The following ZNF474 variants were observed in gnomAD, a reference collection of about 807,000 sequenced individuals.
The protein encoded by ZNF474 is zinc finger protein 474.
For synonymous variants in ZNF474, 192 were observed against 162.2 expected, an observed-to-expected ratio of 1.18 and a Z score of -1.39; for missense variants, 511 against 433.8, an observed-to-expected ratio of 1.18 and a Z score of -1.58.
At chr5:122,149,094 G>A (rs1381119167) in intron 1 of ZNF474, among the ~76,000 whole-genome samples, 1 of 152,086 alleles carries the variant, frequency 6.6e-6, no homozygotes, top group Non-Finnish European at 1.5e-5. Flanking sequence ...CTTATAAGTG[G>A]GAGCTAAACG....
chr5:122,144,976 G>A (rs1755949736), intron 1 of ZNF474, among the ~76,000 whole-genome samples: 1 of 152,184 alleles, frequency 6.6e-6, no homozygotes, highest in South Asian at 2.1e-4. Context: ...TTTTCATAGG[G>A]TGATATTATA....
rs1756240327 is a variant in ZNF474, at chr5:122,153,024, A to G, written c.1034A>G (p.Asp345Gly). 1.9e-6 allele frequency: 3 copies of G among 1,614,068 alleles called. No homozygotes were observed. Among genetic ancestry groups the G allele is most frequent in the Non-Finnish European group, 2.5e-6 (3 of 1,180,038 alleles). Residue 345 changes from aspartate (D) to glycine (G), a missense_variant, in exon 2 of 2, where the codon GAT becomes GGT. By Grantham distance (94) the Asp-to-Gly change is moderately conservative (BLOSUM62 -1). Transcript: ENST00000296600. ...QRNRAAPSVT[D>G]KVIHATQDAL... ...AACAGGGCAGCACCCAGTGTAACTGATAAGGTAATTCATGCCACACAAGAC... is the reference window on the plus strand; with the variant it reads ...AACAGGGCAGCACCCAGTGTAACTGGTAAGGTAATTCATGCCACACAAGAC...
intron 1 of ZNF474, among the ~76,000 whole-genome samples, chr5:122,141,375 T>A (rs1418461812): frequency 6.7e-6 from 1 of 148,874 alleles, no homozygotes; most frequent in Non-Finnish European, 1.5e-5. Context: ...ATGGTGCAAT[T>A]TTGACTCACT....
intron 1 of ZNF474, among the ~76,000 whole-genome samples, chr5:122,133,068 A>G (rs1172467024): frequency 6.6e-6 from 1 of 152,182 alleles, no homozygotes; most frequent in Non-Finnish European, 1.5e-5. Context: ...GTAATAAGCA[A>G]AAGCCAAAAA....
At chr5:122,129,746 A>G (rs1561435302) in intron 1 of ZNF474, 63 bp downstream of exon 1, 1 of 152,226 alleles carries the variant, frequency 6.6e-6, no homozygotes, top group Admixed American at 6.5e-5. Context: ...GTTGTCTGGT[A>G]GGTCTTAAAC....
intron 1 of ZNF474, among the ~76,000 whole-genome samples, chr5:122,133,754 T>G (rs936173366): frequency 6.6e-6 from 1 of 152,066 alleles, no homozygotes; most frequent in Non-Finnish European, 1.5e-5. Flanking sequence ...AGTGATGAGA[T>G]CTTACTATGT....
At chr5:122,144,381 A>T (rs1755930613) in intron 1 of ZNF474, among the ~76,000 whole-genome samples, 1 of 152,216 alleles carries the variant, frequency 6.6e-6, no homozygotes. Flanking sequence ...AGTGAGAAGC[A>T]TTGGAAGAGT....
rs547846782 is a variant in ZNF474 at position 122,139,213 on chromosome 5, G to A, written c.-213+9530G>A. On this transcript the variant is annotated intron_variant, in intron 1 of 1. Transcript: ENST00000296600. ...TCCAATGTAAAATACCATGTCAAAC[G>A]GAGTTTAATTATTTGAACTATTGGG... Among the ~76,000 whole-genome samples the A allele has an allele frequency of 5.9e-5, 9 of 152,218 alleles. No individual in the cohort carries two copies. In the East Asian group the frequency reaches 1.5e-3, roughly 26 times the overall value.
chr5:122,151,714 T>G, intron 1 of ZNF474, 65 bp from the exon 2 acceptor site: 1 of 299,648 alleles, frequency 3.3e-6, no homozygotes, highest in Non-Finnish European at 6.2e-6. Context: ...AATGTGTGTG[T>G]GTGTGTGTGT....
intron 1 of ZNF474, among the ~76,000 whole-genome samples, chr5:122,132,706 A>C (rs1477395503): frequency 6.6e-6 from 1 of 152,076 alleles, no homozygotes; most frequent in Non-Finnish European, 1.5e-5. Flanking sequence ...CCCTATGTGC[A>C]TCCAGTTGTT....
intron 1 of ZNF474, among the ~76,000 whole-genome samples, chr5:122,131,558 G>T (rs1755577258): frequency 1.3e-5 from 2 of 151,780 alleles, no homozygotes; most frequent in Admixed American, 6.6e-5. Context: ...AGCCAGATAA[G>T]GAAAGACAAA....
In ZNF474 at chr5:122,153,164, C is replaced by G; in HGVS notation, c.*79C>G. 6.6e-7 allele frequency: 1 copy of G among 1,522,286 alleles called. No individual in the cohort carries two copies. The highest frequency in any genetic ancestry group is 8.8e-7 in the Non-Finnish European group (1 of 1,136,930). 94.3% of individuals were successfully genotyped at this position (1,522,286 alleles called of 1,614,324 possible). ...TTCTATCAATGCCTTGTATCAGCCT[C>G]AAAGCAGCCTGTTCAAGTTAACTCC... On this transcript the variant is annotated 3_prime_UTR_variant, in exon 2 of 2. Coordinates refer to ENST00000296600, the MANE Select transcript of ZNF474 (RefSeq NM_207317.3).
At position 122,151,996 on chromosome 5, in the gene ZNF474, A is replaced by C; in HGVS notation, c.6A>C (p.Glu2Asp). 1 of 1,607,492 alleles carries C rather than the reference A, an allele frequency of 6.2e-7. No homozygotes were observed. The highest frequency in any genetic ancestry group is 1.1e-5 in the South Asian group (1 of 89,796). The change falls in exon 2 of 2, where the codon GAA (glutamate) becomes GAC (aspartate). Residue 2 changes from glutamate (E) to aspartate (D), a missense_variant. Glu to Asp is a conservative substitution (Grantham distance 45). Coordinates refer to ENST00000296600, the MANE Select transcript of ZNF474 (RefSeq NM_207317.3). Reference sequence around the variant, plus strand: ...ACAGAAAGACATCTTTGTTAATGGAAAGAGGAAAGAAGAAAAGAATTTCCA... The same window carrying C: ...ACAGAAAGACATCTTTGTTAATGGACAGAGGAAAGAAGAAAAGAATTTCCA... M[E>D]RGKKKRISNK...
chr5:122,132,265 C>G (rs1755595590), intron 1 of ZNF474, among the ~76,000 whole-genome samples: 1 of 152,034 alleles, frequency 6.6e-6, no homozygotes, highest in Non-Finnish European at 1.5e-5. Context: ...CAGTTTTTCA[C>G]TACTATGAGT....
intron 1 of ZNF474, among the ~76,000 whole-genome samples, chr5:122,141,678 A>T (rs1018005542): frequency 6.6e-6 from 1 of 152,050 alleles, no homozygotes; most frequent in Non-Finnish European, 1.5e-5. Context: ...GACTCAAGTG[A>T]TCTTCCCGCC....
At chr5:122,141,301 T>C (rs533129313) in intron 1 of ZNF474, among the ~76,000 whole-genome samples, 22 of 7,978 alleles carry the variant, frequency 2.8e-3, no homozygotes, top group African/African-American at 6.8e-3. Context: ...CCCCTGGCTA[T>C]TTTTTTTTTT....
chr5:122,139,413 A>G (rs1193058486), intron 1 of ZNF474, among the ~76,000 whole-genome samples: 1 of 152,144 alleles, frequency 6.6e-6, no homozygotes, highest in African/African-American at 2.4e-5. Context: ...CATGTAACCA[A>G]ATTTATTTTA....
chr5:122,144,119 C>T (rs1755923582), intron 1 of ZNF474, among the ~76,000 whole-genome samples: 2 of 151,946 alleles, frequency 1.3e-5, no homozygotes, highest in African/African-American at 4.8e-5. Flanking sequence ...TCTGTCTTTT[C>T]TTCTTGGATT....
At chr5:122,132,072 A>C (rs1043580073) in intron 1 of ZNF474, among the ~76,000 whole-genome samples, 4 of 152,132 alleles carry the variant, frequency 2.6e-5, no homozygotes, top group African/African-American at 4.8e-5. Flanking sequence ...TATTCATAGA[A>C]ATGGAATAAT....
Sources: gnomAD v4.1 joint callset for allele counts (sites outside exome capture counted in the v4.1 genomes callset) on GRCh38, gnomAD v4.1.1 for gene constraint, MANE v1.5 for transcripts, NCBI Gene and HGNC (gene_info 2026-07-23, HGNC 2026-07-21) for gene names.